Variants in PTPRA observed in about 807,000 individuals in gnomAD.
The protein encoded by PTPRA is receptor-type tyrosine-protein phosphatase alpha.
PTPRA carries 25 observed loss-of-function variants against 104.8 expected under a neutral mutation model. That is an observed-to-expected ratio of 0.24 (90% CI 0.17 to 0.33). The LOEUF is 0.33. Ranked by LOEUF, PTPRA falls within the 10% of genes least tolerant of loss-of-function variation. The pLI, the probability that PTPRA is intolerant of heterozygous loss-of-function variation, is 1.00. For synonymous variants in PTPRA, 323 were observed against 368.9 expected, an observed-to-expected ratio of 0.88 and a Z score of 1.43; for missense variants, 765 against 1,015.3, an observed-to-expected ratio of 0.75 and a Z score of 3.35.
intron 1 of PTPRA, among the ~76,000 whole-genome samples, chr20:2,920,903 G>A (rs1040945887): frequency 4.6e-5 from 7 of 152,124 alleles, no homozygotes; most frequent in African/African-American, 1.7e-4. Context: ...CAGAAAGAAA[G>A]CCTGGAATGG....
At chr20:3,020,187 C>T (rs995117380) in intron 13 of PTPRA, among the ~76,000 whole-genome samples, 9 of 152,192 alleles carry the variant, frequency 5.9e-5, no homozygotes, top group Non-Finnish European at 1.2e-4. Flanking sequence ...CGGCTCACTG[C>T]AAGCTCCGCC....
intron 17 of PTPRA, 94 bp downstream of exon 17, chr20:3,024,715 C>A: frequency 6.8e-7 from 1 of 1,472,020 alleles, no homozygotes; most frequent in Non-Finnish European, 9.4e-7. Flanking sequence ...AACAGTAAAT[C>A]CCCTTGTGAG....
At chr20:2,963,628 AT>A (rs1344301504) in intron 3 of PTPRA, among the ~76,000 whole-genome samples, 1 of 152,058 alleles carries the variant, frequency 6.6e-6, no homozygotes, top group African/African-American at 2.4e-5. Flanking sequence ...ATTAAGACTT[AT>A]TTTTACAGGT....
intron 2 of PTPRA, among the ~76,000 whole-genome samples, chr20:2,939,550 C>T (rs1294524528): frequency 1.3e-5 from 2 of 152,290 alleles, no homozygotes; most frequent in East Asian, 3.9e-4. Flanking sequence ...GCTGAGCTGC[C>T]CCTTTCCCAG....
intron 3 of PTPRA, among the ~76,000 whole-genome samples, chr20:2,962,910 A>G (rs1224939667): frequency 2.0e-5 from 3 of 151,894 alleles, no homozygotes; most frequent in Non-Finnish European, 2.9e-5. Flanking sequence ...TCCCTTAAGG[A>G]TGTGTGTCCT....
At chr20:2,896,611 A>G (rs1271172561) in intron 1 of PTPRA, among the ~76,000 whole-genome samples, 1 of 152,216 alleles carries the variant, frequency 6.6e-6, no homozygotes, top group African/African-American at 2.4e-5. Flanking sequence ...TGTATTACCC[A>G]TAAATCAGGG....
chr20:2,947,466 T>C (rs1251637174), intron 2 of PTPRA, among the ~76,000 whole-genome samples: 1 of 152,230 alleles, frequency 6.6e-6, no homozygotes, highest in Non-Finnish European at 1.5e-5. Flanking sequence ...GGAATGAGAA[T>C]GAATTCTCAT....
intron 2 of PTPRA, among the ~76,000 whole-genome samples, chr20:2,940,435 C>A (rs574505766): frequency 8.5e-5 from 13 of 152,142 alleles, no homozygotes; most frequent in African/African-American, 3.1e-4. Context: ...GGACTACAGG[C>A]ATATACCCCC....
chr20:2,968,983 G>T (rs1419217724), intron 5 of PTPRA, among the ~76,000 whole-genome samples: 1 of 152,108 alleles, frequency 6.6e-6, no homozygotes, highest in Non-Finnish European at 1.5e-5. Context: ...CAAGGCAGGT[G>T]GATCACTTGA....
intron 1 of PTPRA, among the ~76,000 whole-genome samples, chr20:2,886,933 A>T (rs1312840599): frequency 6.6e-6 from 1 of 152,102 alleles, no homozygotes; most frequent in African/African-American, 2.4e-5. Flanking sequence ...TCAAAAGTAT[A>T]TCACAGAAGA....
At chr20:2,874,941 T>G (rs1221662628) in intron 1 of PTPRA, among the ~76,000 whole-genome samples, 1 of 152,192 alleles carries the variant, frequency 6.6e-6, no homozygotes, top group Non-Finnish European at 1.5e-5. Context: ...TTTTGTTTTA[T>G]GTGATCCTCT....
chr20:2,888,750 A>G (rs1374715919), intron 1 of PTPRA, among the ~76,000 whole-genome samples: 1 of 152,214 alleles, frequency 6.6e-6, no homozygotes. Context: ...ATCCACAAGT[A>G]CTATGAGCAA....
At chr20:2,909,904 GAC>G (rs2059579147) in intron 1 of PTPRA, among the ~76,000 whole-genome samples, 1 of 123,144 alleles carries the variant, frequency 8.1e-6, no homozygotes, top group African/African-American at 3.3e-5. Flanking sequence ...TATAATATAT[GAC>G]ATATATATGT....
intron 1 of PTPRA, among the ~76,000 whole-genome samples, chr20:2,914,069 T>C (rs1487268623): frequency 1.3e-5 from 2 of 152,232 alleles, no homozygotes; most frequent in African/African-American, 2.4e-5. Context: ...ATAAGTTATC[T>C]ATTAGTGTAC....
At chr20:2,905,486 T>C (rs2059391176) in intron 1 of PTPRA, among the ~76,000 whole-genome samples, 1 of 151,794 alleles carries the variant, frequency 6.6e-6, no homozygotes, top group South Asian at 2.1e-4. Flanking sequence ...GCCAGTTACA[T>C]TTAGTACTGT....
At chr20:2,939,559 A>T (rs941965581) in intron 2 of PTPRA, among the ~76,000 whole-genome samples, 4 of 152,098 alleles carry the variant, frequency 2.6e-5, no homozygotes, top group Non-Finnish European at 5.9e-5. Context: ...CCCCTTTCCC[A>T]GTTCTTTACC....
intron 1 of PTPRA, among the ~76,000 whole-genome samples, chr20:2,920,447 G>C (rs1380419406): frequency 6.6e-6 from 1 of 152,130 alleles, no homozygotes; most frequent in East Asian, 1.9e-4. Flanking sequence ...CCAAGATTAT[G>C]ATGCACCTGA....
chr20:2,934,424 A>C (rs1379322989), intron 2 of PTPRA, among the ~76,000 whole-genome samples: 1 of 152,080 alleles, frequency 6.6e-6, no homozygotes, highest in Non-Finnish European at 1.5e-5. Flanking sequence ...CCCAATACTT[A>C]TGTATACAGA....
chr20:2,986,122 G>C (rs1370334952), intron 6 of PTPRA, among the ~76,000 whole-genome samples: 1 of 151,996 alleles, frequency 6.6e-6, no homozygotes. Context: ...TGCCAGGCTG[G>C]TCTCGAATAC....
Sources: gnomAD v4.1 joint callset for allele counts (sites outside exome capture counted in the v4.1 genomes callset) on GRCh38, gnomAD v4.1.1 for gene constraint, MANE v1.5 for transcripts, NCBI Gene and HGNC (gene_info 2026-07-23, HGNC 2026-07-21) for gene names.